PDSS2: variants seen among roughly 807,000 people sequenced by gnomAD.
The protein encoded by PDSS2 is decaprenyl diphosphate synthase subunit 2.
Under a neutral mutation model 44.5 loss-of-function variants are expected in PDSS2, and 31 were observed. The observed-to-expected ratio is 0.70, with a 90% CI of 0.52 to 0.94. The LOEUF is 0.94. PDSS2 is among the 40% of genes least tolerant of loss of function. The pLI is 0.00. For synonymous variants in PDSS2, 157 were observed against 180.3 expected, an observed-to-expected ratio of 0.87 and a Z score of 1.03; for missense variants, 452 against 482.2, an observed-to-expected ratio of 0.94 and a Z score of 0.59.
intron 1 of PDSS2, among the ~76,000 whole-genome samples, chr6:107,418,723 C>T (rs1473250639): frequency 1.3e-5 from 2 of 151,986 alleles, no homozygotes; most frequent in African/African-American, 2.4e-5. Context: ...TGCAGTGAGC[C>T]GAGATTGCGC....
Position 107,169,578 on chromosome 6 carries a change from T to C in PDSS2, c.1042-14801A>G, listed in dbSNP as rs564897404. Among the ~76,000 whole-genome samples, 7 of 152,304 alleles carry C rather than the reference T, an allele frequency of 4.6e-5. No homozygotes were observed. The East Asian group carries it at 1.2e-3, about 25-fold the overall frequency. On this transcript the variant is annotated intron_variant, in intron 7 of 7. Transcript: ENST00000369037. ...TCTGATTTTTAGAATTTTCAGCTTTTCTGCTCTGTTTTTTCCCCATCTTTG... is the reference window on the plus strand; with the variant it reads ...TCTGATTTTTAGAATTTTCAGCTTTCCTGCTCTGTTTTTTCCCCATCTTTG...
At chr6:107,326,369 C>T (rs1777547081) in intron 2 of PDSS2, among the ~76,000 whole-genome samples, 1 of 151,768 alleles carries the variant, frequency 6.6e-6, no homozygotes. Flanking sequence ...CTTGGCCTCC[C>T]AAAGTATTGG....
At chr6:107,241,066 T>C (rs1774406429) in intron 4 of PDSS2, among the ~76,000 whole-genome samples, 1 of 151,670 alleles carries the variant, frequency 6.6e-6, no homozygotes. Context: ...CTGGCCAACA[T>C]GGCAAAACCT....
intron 7 of PDSS2, among the ~76,000 whole-genome samples, chr6:107,186,224 C>G (rs1772158607): frequency 6.6e-6 from 1 of 152,146 alleles, no homozygotes; most frequent in Non-Finnish European, 1.5e-5. Flanking sequence ...GGTACTACAG[C>G]AGTGTAAAGC....
In PDSS2 at chr6:107,459,459, G is replaced by A; in HGVS notation, c.-174C>T. On this transcript the variant is annotated 5_prime_UTR_variant, in exon 1 of 8. An upstream open reading frame in the 5' UTR gains an earlier in-frame stop. Transcript: ENST00000369037. The surrounding 1 kb of genome is among the most constrained non-coding windows in gnomAD (Gnocchi z 4.3). Reference sequence around the variant, plus strand: ...AAACGAACTTTAACTGCTGCTTTCTGCAGCCCAGGCTGGGCAAACAACAGT... The same window carrying A: ...AAACGAACTTTAACTGCTGCTTTCTACAGCCCAGGCTGGGCAAACAACAGT... 5 of 621,014 alleles carry A rather than the reference G, an allele frequency of 8.1e-6. No homozygotes were observed. Among genetic ancestry groups the A allele is most frequent in the Non-Finnish European group, 1.1e-5 (4 of 351,104 alleles). The allele number at this position is 621,014 out of a possible 1,614,324, so 38.5% of individuals were successfully genotyped here.
intron 1 of PDSS2, among the ~76,000 whole-genome samples, chr6:107,456,655 C>T (rs1381011578): frequency 2.0e-5 from 3 of 152,162 alleles, no homozygotes; most frequent in South Asian, 4.1e-4. Flanking sequence ...CTCAAGCAAT[C>T]GCAATCCTCC....
At chr6:107,395,493 T>C (rs1779912479) in intron 1 of PDSS2, among the ~76,000 whole-genome samples, 1 of 152,168 alleles carries the variant, frequency 6.6e-6, no homozygotes, top group Non-Finnish European at 1.5e-5. Context: ...ATATTCTGCA[T>C]AGTAATTTTT....
intron 1 of PDSS2, among the ~76,000 whole-genome samples, chr6:107,336,687 T>C (rs1050222254): frequency 6.6e-6 from 1 of 152,050 alleles, no homozygotes; most frequent in African/African-American, 2.4e-5. Flanking sequence ...TGCTTTGAAT[T>C]ACAACTTTTA....
intron 1 of PDSS2, among the ~76,000 whole-genome samples, chr6:107,378,932 C>T (rs1485312466): frequency 6.6e-6 from 1 of 152,174 alleles, no homozygotes; most frequent in Non-Finnish European, 1.5e-5. Flanking sequence ...CATAAAATCG[C>T]CATGATTTAG....
chr6:107,290,519 A>C (rs1002584986), intron 2 of PDSS2, among the ~76,000 whole-genome samples: 1 of 151,572 alleles, frequency 6.6e-6, no homozygotes, highest in Non-Finnish European at 1.5e-5. Flanking sequence ...ATCTGCCACA[A>C]TTTCTCCACC....
rs555154105 is a variant in PDSS2 at position 107,154,518 on chromosome 6, A to G, written c.*101T>C. 2.8e-5 allele frequency: 30 copies of G among 1,066,200 alleles called. No homozygotes were observed. The African/African-American group carries it at 3.6e-4, about 13-fold the overall frequency. The allele number at this position is 1,066,200 out of a possible 1,614,324, so 66.0% of individuals were successfully genotyped here. On this transcript the variant is annotated 3_prime_UTR_variant, in exon 8 of 8. Transcript: ENST00000369037. ...ATGTGATAAAAGGAAGGAAAAATGCATATGTTTTAAAAGTCATTAACGCAT... is the reference window on the plus strand; with the variant it reads ...ATGTGATAAAAGGAAGGAAAAATGCGTATGTTTTAAAAGTCATTAACGCAT...
chr6:107,218,301 C>T (rs1199575501), intron 4 of PDSS2, among the ~76,000 whole-genome samples: 1 of 152,188 alleles, frequency 6.6e-6, no homozygotes. Flanking sequence ...CAATGGCCTC[C>T]AGCTGTTCCA....
intron 4 of PDSS2, among the ~76,000 whole-genome samples, chr6:107,223,857 A>C (rs576123464): frequency 1.3e-5 from 2 of 150,628 alleles, no homozygotes; most frequent in African/African-American, 5.0e-5. Context: ...GGGGTCCCCA[A>C]CCTCCAGGCC....
At chr6:107,400,462 G>A (rs1226847289) in intron 1 of PDSS2, among the ~76,000 whole-genome samples, 1 of 152,190 alleles carries the variant, frequency 6.6e-6, no homozygotes, top group East Asian at 1.9e-4. Context: ...TGGACTGGGA[G>A]GAGTGTGGCC....
intron 1 of PDSS2, among the ~76,000 whole-genome samples, chr6:107,439,447 T>G (rs1280724025): frequency 2.6e-5 from 4 of 152,204 alleles, no homozygotes; most frequent in Non-Finnish European, 5.9e-5. Flanking sequence ...TCACTTACAT[T>G]CCTTACAACC....
intron 3 of PDSS2, among the ~76,000 whole-genome samples, chr6:107,272,763 G>A (rs963367044): frequency 8.6e-5 from 13 of 152,042 alleles, no homozygotes; most frequent in Non-Finnish European, 1.6e-4. Context: ...TGGGAGGATC[G>A]TTTGAGGCCA....
chr6:107,310,562 G>T (rs781601542), intron 2 of PDSS2, among the ~76,000 whole-genome samples: 1 of 152,068 alleles, frequency 6.6e-6, no homozygotes, highest in Non-Finnish European at 1.5e-5. Flanking sequence ...CCCATTCAGC[G>T]TCCAAAGAGA....
At chr6:107,198,246 G>A (rs1299023880) in intron 6 of PDSS2, among the ~76,000 whole-genome samples, 3 of 152,134 alleles carry the variant, frequency 2.0e-5, no homozygotes, top group Non-Finnish European at 4.4e-5. Flanking sequence ...GGGACACATT[G>A]TTGGGGATGA....
chr6:107,302,933 T>C (rs1269258605), intron 2 of PDSS2, among the ~76,000 whole-genome samples: 1 of 152,192 alleles, frequency 6.6e-6, no homozygotes, highest in Non-Finnish European at 1.5e-5. Context: ...TTAAAAATAT[T>C]ACAATCAATT....
Sources: gnomAD v4.1 joint callset for allele counts (sites outside exome capture counted in the v4.1 genomes callset) on GRCh38, gnomAD v4.1.1 for gene constraint, Gnocchi (gnomAD v3.1) non-coding constraint, MANE v1.5 for transcripts, NCBI Gene and HGNC (gene_info 2026-07-23, HGNC 2026-07-21) for gene names.